Variants in SMARCAD1 observed in about 807,000 individuals in gnomAD.
SMARCAD1 encodes the protein SWI/SNF-related matrix-associated actin-dependent regulator of chromatin subfamily A containing DEAD/H box 1.
Under a neutral mutation model 127.1 loss-of-function variants are expected in SMARCAD1, and 25 were observed. The ratio of observed to expected loss-of-function variants is 0.20; its 90% CI spans 0.14 to 0.27. SMARCAD1 has a LOEUF of 0.27. Ranked by LOEUF, SMARCAD1 falls within the 10% of genes least tolerant of loss-of-function variation. The pLI is 1.00. For missense variants in SMARCAD1, 807 were observed against 1,206.0 expected (o/e 0.67, Z 4.90); for synonymous variants, 400 against 396.9 (o/e 1.01, Z -0.09).
intron 2 of SMARCAD1, among the ~76,000 whole-genome samples, chr4:94,215,794 G>A (rs1743076615): frequency 6.6e-6 from 1 of 151,990 alleles, no homozygotes; most frequent in Non-Finnish European, 1.5e-5. Context: ...AAGCTAATAG[G>A]CAAAAGTATG....
intron 9 of SMARCAD1, among the ~76,000 whole-genome samples, chr4:94,256,776 TG>T (rs566231404): frequency 1.1e-3 from 164 of 152,320 alleles, no homozygotes; most frequent in African/African-American, 3.8e-3. Flanking sequence ...TGAATTTATT[TG>T]TAAGATTACT....
chr4:94,285,135 C>A, intron 23 of SMARCAD1, 66 bp downstream of exon 23: 2 of 1,065,132 alleles, frequency 1.9e-6, no homozygotes, highest in Non-Finnish European at 2.9e-6. Flanking sequence ...TTAGTCAGTG[C>A]AAGAGGATGA....
chr4:94,223,154 G>A (rs1744424835), intron 2 of SMARCAD1, among the ~76,000 whole-genome samples: 1 of 151,904 alleles, frequency 6.6e-6, no homozygotes, highest in Admixed American at 6.6e-5. Flanking sequence ...TTTTTTATCT[G>A]CAGTCCAGTG....
At chr4:94,280,246 T>G (rs1398973312) in intron 19 of SMARCAD1, among the ~76,000 whole-genome samples, 1 of 152,174 alleles carries the variant, frequency 6.6e-6, no homozygotes, top group African/African-American at 2.4e-5. Context: ...AATTGCATAA[T>G]GAAACTGCCC....
Position 94,291,026 on chromosome 4 carries a change from G to T in SMARCAD1, c.*1492G>T, listed in dbSNP as rs779712354. Reference sequence around the variant, plus strand: ...TATTTTACCATTACAGGGCTAAAAGGAGTCTTCATGTGTTAATACTACCTC... The same window carrying T: ...TATTTTACCATTACAGGGCTAAAAGTAGTCTTCATGTGTTAATACTACCTC... On this transcript the variant is annotated 3_prime_UTR_variant, in exon 24 of 24. Transcript: ENST00000354268. The T allele has an allele frequency of 1.2e-4, 55 of 440,106 alleles. No individual in the cohort carries two copies. Among genetic ancestry groups the T allele is most frequent in the Non-Finnish European group, 2.4e-4 (52 of 221,076 alleles). The allele number at this position is 440,106 out of a possible 1,614,324, so 27.3% of individuals were successfully genotyped here.
At chr4:94,233,420 A>G (rs1208482311) in intron 3 of SMARCAD1, among the ~76,000 whole-genome samples, 6 of 152,226 alleles carry the variant, frequency 3.9e-5, no homozygotes, top group Admixed American at 3.9e-4. Context: ...TTGGAGAATA[A>G]ACCCTCATAT....
chr4:94,219,181 GAAAAT>G (rs752087254), intron 2 of SMARCAD1, among the ~76,000 whole-genome samples: 13 of 152,150 alleles, frequency 8.5e-5, no homozygotes, highest in Non-Finnish European at 1.6e-4. Flanking sequence ...GAACTGCCTT[GAAAAT>G]CAGTTGCCAT....
At chr4:94,265,742 A>G (rs1048576497) in intron 10 of SMARCAD1, among the ~76,000 whole-genome samples, 2 of 151,990 alleles carry the variant, frequency 1.3e-5, no homozygotes, top group African/African-American at 4.8e-5. Flanking sequence ...TGGCAAAACC[A>G]TGGAAACAAA....
chr4:94,223,007 A>T (rs973653491), intron 2 of SMARCAD1, among the ~76,000 whole-genome samples: 5 of 151,954 alleles, frequency 3.3e-5, no homozygotes, highest in African/African-American at 9.7e-5. Flanking sequence ...TTCACCATGT[A>T]TTTTGTACTA....
chr4:94,287,368 CAAAAATGT>C (rs1755093899), intron 23 of SMARCAD1, among the ~76,000 whole-genome samples: 1 of 152,098 alleles, frequency 6.6e-6, no homozygotes, highest in Admixed American at 6.5e-5. Context: ...CCTCTATAAA[CAAAAATGT>C]ATATTTGTAA....
At chr4:94,230,798 C>T (rs1745724765) in intron 3 of SMARCAD1, among the ~76,000 whole-genome samples, 1 of 152,080 alleles carries the variant, frequency 6.6e-6, no homozygotes, top group African/African-American at 2.4e-5. Flanking sequence ...AGGCAGAATC[C>T]TAGGTAGCTT....
At chr4:94,235,557 C>G (rs969353299) in intron 4 of SMARCAD1, among the ~76,000 whole-genome samples, 8 of 150,976 alleles carry the variant, frequency 5.3e-5, no homozygotes, top group Admixed American at 3.3e-4. Flanking sequence ...TTGATACCAT[C>G]TTACTATTAG....
chr4:94,216,358 T>C (rs1006892363), intron 2 of SMARCAD1, among the ~76,000 whole-genome samples: 2 of 152,184 alleles, frequency 1.3e-5, no homozygotes, highest in African/African-American at 4.8e-5. Context: ...GTGGTCACCT[T>C]GTTCATCCTT....
In SMARCAD1 at chr4:94,290,785, T is replaced by C; in HGVS notation, c.*1251T>C. ...TTCCATGTGTTTTGTTTTTATTATGTAAATATCATTATAAATAAACTTATT... is the reference window on the plus strand; with the variant it reads ...TTCCATGTGTTTTGTTTTTATTATGCAAATATCATTATAAATAAACTTATT... On this transcript the variant is annotated 3_prime_UTR_variant, in exon 24 of 24. Transcript: ENST00000354268. The C allele has an allele frequency of 2.3e-6, 1 of 430,988 alleles. No individual in the cohort carries two copies. The highest frequency in any genetic ancestry group is 4.6e-6 in the Non-Finnish European group (1 of 218,956). 26.7% of individuals were successfully genotyped at this position (430,988 alleles called of 1,614,324 possible).
chr4:94,230,208 A>G (rs1745618476), intron 3 of SMARCAD1, among the ~76,000 whole-genome samples: 1 of 151,450 alleles, frequency 6.6e-6, no homozygotes, highest in Non-Finnish European at 1.5e-5. Flanking sequence ...CAGATCCCTT[A>G]CTCTCTTTCT....
intron 6 of SMARCAD1, among the ~76,000 whole-genome samples, chr4:94,246,041 C>T (rs1283294758): frequency 3.3e-5 from 5 of 151,874 alleles, no homozygotes; most frequent in Admixed American, 6.6e-5. Context: ...ACCCAAGTGG[C>T]GGAGTACCTT....
chr4:94,213,063 G>A lies in SMARCAD1; in HGVS notation c.190+4479G>A, dbSNP rs1404017672. 4 of 1,287,076 alleles carry A rather than the reference G, an allele frequency of 3.1e-6. No homozygotes were observed. In the Admixed American group the frequency reaches 9.2e-5, roughly 30 times the overall value. 79.7% of individuals were successfully genotyped at this position (1,287,076 alleles called of 1,614,324 possible). ...GTTTGGAGGGATTGAAATAATGGCA[G>A]GTGAAAGGGAAGAGAGATCCTACTA... On this transcript the variant is annotated intron_variant, in intron 2 of 23. Transcript: ENST00000354268.
intron 2 of SMARCAD1, among the ~76,000 whole-genome samples, chr4:94,222,820 C>T (rs573614926): frequency 4.5e-4 from 68 of 151,884 alleles, no homozygotes; most frequent in African/African-American, 1.4e-3. Flanking sequence ...AAAAATTAGC[C>T]GGGTGTCGGG....
chr4:94,273,791 G>T, intron 12 of SMARCAD1, 75 bp downstream of exon 12: 1 of 1,140,734 alleles, frequency 8.8e-7, no homozygotes, highest in Non-Finnish European at 1.3e-6. Flanking sequence ...GTGTAAGGGT[G>T]TGTGTCGGAG....
Sources: gnomAD v4.1 joint callset for allele counts (sites outside exome capture counted in the v4.1 genomes callset) on GRCh38, gnomAD v4.1.1 for gene constraint, MANE v1.5 for transcripts, NCBI Gene and HGNC (gene_info 2026-07-23, HGNC 2026-07-21) for gene names.